The following MALRD1 variants were observed in gnomAD, a reference collection of about 807,000 sequenced individuals.
MALRD1 encodes the protein MAM and LDL receptor class A domain containing 1.
MALRD1 carries 247 observed loss-of-function variants against 242.1 expected under a neutral mutation model. The ratio of observed to expected loss-of-function variants is 1.02; its 90% CI spans 0.92 to 1.13. MALRD1 has a LOEUF of 1.13. MALRD1 is among the 50% of genes most tolerant of loss of function. MALRD1 has a pLI of 0.00. For synonymous variants in MALRD1, 995 were observed against 866.6 expected (o/e 1.15, Z -2.60); for missense variants, 2,989 against 2,533.1 (o/e 1.18, Z -3.86).
intron 30 of MALRD1, among the ~76,000 whole-genome samples, chr10:19,492,337 G>A (rs1487593119): frequency 6.6e-6 from 1 of 151,994 alleles, no homozygotes; most frequent in Non-Finnish European, 1.5e-5. Flanking sequence ...GTTACCATTT[G>A]CTGCCTAACA....
intron 29 of MALRD1, among the ~76,000 whole-genome samples, chr10:19,461,257 C>G (rs1471522641): frequency 6.6e-6 from 1 of 152,042 alleles, no homozygotes; most frequent in Non-Finnish European, 1.5e-5. Flanking sequence ...CACAAATTGT[C>G]TGGAAAGTTG....
intron 38 of MALRD1, among the ~76,000 whole-genome samples, chr10:19,698,793 T>C (rs1354768772): frequency 1.3e-5 from 2 of 152,140 alleles, no homozygotes; most frequent in African/African-American, 2.4e-5. Flanking sequence ...GTTTTGAAAG[T>C]AGATGGCCAC....
chr10:19,462,957 T>C (rs1589118436), intron 29 of MALRD1, among the ~76,000 whole-genome samples: 1 of 152,080 alleles, frequency 6.6e-6, no homozygotes, highest in African/African-American at 2.4e-5. Flanking sequence ...AAAATTGTTT[T>C]CTTGAAGCTT....
intron 38 of MALRD1, among the ~76,000 whole-genome samples, chr10:19,707,535 G>A (rs537868659): frequency 6.6e-6 from 1 of 152,316 alleles, no homozygotes; most frequent in Admixed American, 6.5e-5. Context: ...TCAGTCTAGA[G>A]GGCATAAGCC....
chr10:19,278,705 T>G (rs1219726992), intron 19 of MALRD1, among the ~76,000 whole-genome samples: 1 of 152,110 alleles, frequency 6.6e-6, no homozygotes, highest in Admixed American at 6.6e-5. Flanking sequence ...AACTATTTAA[T>G]GGCAGAGATG....
chr10:19,730,061 A>G (rs1168081404), intron 38 of MALRD1, among the ~76,000 whole-genome samples: 3 of 152,144 alleles, frequency 2.0e-5, no homozygotes, highest in African/African-American at 7.2e-5. Flanking sequence ...TTCTTAAGTA[A>G]AGTATAAAAG....
At chr10:19,463,990 T>A (rs1373316776) in intron 29 of MALRD1, among the ~76,000 whole-genome samples, 1 of 152,252 alleles carries the variant, frequency 6.6e-6, no homozygotes, top group Non-Finnish European at 1.5e-5. Context: ...TTTTTTCATA[T>A]GTTTGTTGAC....
chr10:19,274,233 T>G (rs1376853321), intron 19 of MALRD1, among the ~76,000 whole-genome samples: 1 of 152,206 alleles, frequency 6.6e-6, no homozygotes, highest in Non-Finnish European at 1.5e-5. Context: ...AAATGTCTAT[T>G]AACAGATGAT....
intron 10 of MALRD1, among the ~76,000 whole-genome samples, chr10:19,140,263 T>A (rs1200110059): frequency 6.6e-6 from 1 of 152,196 alleles, no homozygotes; most frequent in Non-Finnish European, 1.5e-5. Flanking sequence ...AATGAAATTC[T>A]TTCTTGTCTG....
At chr10:19,645,092 C>A (rs1032836603) in intron 36 of MALRD1, among the ~76,000 whole-genome samples, 1 of 152,048 alleles carries the variant, frequency 6.6e-6, no homozygotes. Flanking sequence ...GTCATTATAT[C>A]TTGTAAAATC....
At chr10:19,427,232 T>G (rs899284713) in intron 28 of MALRD1, among the ~76,000 whole-genome samples, 1 of 152,198 alleles carries the variant, frequency 6.6e-6, no homozygotes, top group South Asian at 2.1e-4. Flanking sequence ...ATTAATCCAC[T>G]ATTCATGGGC....
At chr10:19,633,098 G>T (rs992341663) in intron 36 of MALRD1, among the ~76,000 whole-genome samples, 4 of 152,088 alleles carry the variant, frequency 2.6e-5, no homozygotes, top group Non-Finnish European at 5.9e-5. Context: ...TGAGTGTGGT[G>T]GTGTGCACCT....
intron 33 of MALRD1, among the ~76,000 whole-genome samples, chr10:19,576,062 T>C (rs1189165595): frequency 6.6e-6 from 1 of 152,234 alleles, no homozygotes; most frequent in Non-Finnish European, 1.5e-5. Context: ...GATATTGGAT[T>C]GCTCCAAAAT....
chr10:19,367,337 G>A (rs1845151720), intron 26 of MALRD1, among the ~76,000 whole-genome samples: 2 of 151,928 alleles, frequency 1.3e-5, no homozygotes, highest in South Asian at 2.1e-4. Context: ...CTTTATTTTA[G>A]CTTCTACATA....
intron 11 of MALRD1, among the ~76,000 whole-genome samples, chr10:19,151,835 C>A (rs973458690): frequency 6.6e-6 from 1 of 152,074 alleles, no homozygotes; most frequent in Admixed American, 6.6e-5. Flanking sequence ...AAATATTAAA[C>A]CCCTCTTGCA....
At chr10:19,296,222 A>G (rs1356767507) in intron 21 of MALRD1, among the ~76,000 whole-genome samples, 1 of 152,108 alleles carries the variant, frequency 6.6e-6, no homozygotes, top group Non-Finnish European at 1.5e-5. Context: ...TTCACCTGTT[A>G]CCTTTTTGGA....
At chr10:19,634,223 GCT>G (rs1840031220) in intron 36 of MALRD1, among the ~76,000 whole-genome samples, 1 of 152,120 alleles carries the variant, frequency 6.6e-6, no homozygotes, top group Non-Finnish European at 1.5e-5. Flanking sequence ...CTCATTTCCT[GCT>G]GCTTTCCCAG....
At chr10:19,126,052 ATT>A (rs930634271) in intron 7 of MALRD1, among the ~76,000 whole-genome samples, 1 of 147,624 alleles carries the variant, frequency 6.8e-6, no homozygotes, top group African/African-American at 2.5e-5. Flanking sequence ...CAATTTTAGA[ATT>A]TTTTTTTTTT....
chr10:19,459,648 A>G (rs1835834622), intron 29 of MALRD1, among the ~76,000 whole-genome samples: 1 of 152,066 alleles, frequency 6.6e-6, no homozygotes, highest in African/African-American at 2.4e-5. Context: ...AATTACTTTA[A>G]CATTGTATTC....
Sources: gnomAD v4.1 joint callset for allele counts (sites outside exome capture counted in the v4.1 genomes callset) on GRCh38, gnomAD v4.1.1 for gene constraint, MANE v1.5 for transcripts, NCBI Gene and HGNC (gene_info 2026-07-23, HGNC 2026-07-21) for gene names.